Variants in SF3A1 observed in about 807,000 individuals in gnomAD.
SF3A1 encodes the protein SAP 114.
In SF3A1, 13 loss-of-function variants were observed where a neutral mutation model predicts 89.9. The ratio of observed to expected loss-of-function variants is 0.14; its 90% CI spans 0.09 to 0.23. The LOEUF is 0.23. SF3A1 is among the 10% of genes least tolerant of loss of function. The probability of loss-of-function intolerance (pLI) is 1.00; values close to 1 mark genes in which losing one functional copy is unlikely to be tolerated. For missense variants in SF3A1, 604 were observed against 1,022.1 expected (o/e 0.59, Z 5.58); for synonymous variants, 405 against 374.4 (o/e 1.08, Z -0.94).
chr22:30,348,018 T>TA (rs1931471438), intron 2 of SF3A1, among the ~76,000 whole-genome samples: 2 of 152,208 alleles, frequency 1.3e-5, no homozygotes, highest in Admixed American at 6.5e-5. Flanking sequence ...ATTTTTTTTT[T>TA]ACATTTTGTA....
Position 30,337,034 on chromosome 22 carries a change from T to G in SF3A1, c.2098A>C (p.Arg700=). The G allele has an allele frequency of 6.2e-7, 1 of 1,614,192 alleles. No homozygotes were observed. Among genetic ancestry groups the G allele is most frequent in the Non-Finnish European group, 8.5e-7 (1 of 1,180,024 alleles). The part of the protein sequence containing the change: ...SLMPEEEFLR[R]NKGPVSIKVQ... ...ATTCTGGGATTACATACCTTGTTTC[T>G]GCGCAGGAACTCCTCCTCTGGCATG... The change falls in exon 13 of 16, where the codon AGA becomes CGA. Residue 700 remains arginine, a synonymous_variant. Coordinates refer to ENST00000215793, the MANE Select transcript of SF3A1 (RefSeq NM_005877.6).
chr22:30,347,308 C>T (rs746097459), intron 2 of SF3A1, among the ~76,000 whole-genome samples: 5 of 152,012 alleles, frequency 3.3e-5, no homozygotes, highest in Admixed American at 6.6e-5. Flanking sequence ...AAGAAACAAA[C>T]AAACAAACAA....
At chr22:30,356,632 T>G (rs1931862592) in intron 1 of SF3A1, 98 bp downstream of exon 1, 10 of 985,278 alleles carry the variant, frequency 1.0e-5, no homozygotes, top group Middle Eastern at 2.4e-4. Flanking sequence ...TTGCAGTCCC[T>G]CCAAGCCCTT....
chr22:30,342,396 G>A (rs370409400), intron 5 of SF3A1, 46 bp from the exon 6 acceptor site: 6 of 1,553,254 alleles, frequency 3.9e-6, no homozygotes, highest in Non-Finnish European at 5.2e-6. Flanking sequence ...AGCAGGGTCT[G>A]CTCCTGATGA....
Position 30,333,449 on chromosome 22 carries a change from A to T in SF3A1, c.*1145T>A, listed in dbSNP as rs371401061. 2 of 152,244 alleles carry T rather than the reference A, an allele frequency of 1.3e-5. No individual in the cohort carries two copies. The highest frequency in any genetic ancestry group is 3.8e-4 in the East Asian group (2 of 5,206). The allele number at this position is 152,244 out of a possible 1,614,324, so 9.4% of individuals were successfully genotyped here. The stretch of plus-strand genomic sequence containing the variant: ...AATCAGCCTTAGCTTTAAAACCAGG[A>T]AATTGTTAGCAACAGGCTCTCACCT... On this transcript the variant is annotated 3_prime_UTR_variant, in exon 16 of 16. Coordinates refer to ENST00000215793, the MANE Select transcript of SF3A1 (RefSeq NM_005877.6).
Position 30,353,224 on chromosome 22 carries a change from T to C in SF3A1, c.64-152A>G, listed in dbSNP as rs908917873. On this transcript the variant is annotated intron_variant, in intron 1 of 15. Transcript: ENST00000215793. ...CCTCTACTTCAGAAAAGCAGTTCTC[T>C]TAAGTTCACTGCACCTGCAGGGGCT... 7 of 974,496 alleles carry C rather than the reference T, an allele frequency of 7.2e-6. No homozygotes were observed. The African/African-American group carries it at 8.2e-5, about 11-fold the overall frequency. 60.4% of individuals were successfully genotyped at this position (974,496 alleles called of 1,614,324 possible).
rs1170964642 is a variant in SF3A1, at chr22:30,337,055, G to A, written c.2077C>T (p.Pro693Ser). The change falls in exon 13 of 16, where the codon CCA becomes TCA. Residue 693 changes from proline to serine, a missense_variant. Transcript: ENST00000215793. ...KKLKTEDSLM[P>S]EEEFLRRNKG... ...TTTCTGCGCAGGAACTCCTCCTCTG[G>A]CATGAGGCTGTCCTCTGTCTTCAGT... The A allele has an allele frequency of 3.1e-6, 5 of 1,614,164 alleles. No homozygotes were observed. The highest frequency in any genetic ancestry group is 3.4e-6 in the Non-Finnish European group (4 of 1,180,032).
Position 30,332,331 on chromosome 22 carries a change from T to C in SF3A1, c.*2263A>G, listed in dbSNP as rs954595950. ...TCTACAATTCCTGGAGCCCTCTGCA[T>C]GCAAGTCTTCAAAATTATGGTGACT... On this transcript the variant is annotated 3_prime_UTR_variant, in exon 16 of 16. Transcript: ENST00000215793. The C allele has an allele frequency of 6.6e-6, 1 of 152,234 alleles. No homozygotes were observed. The highest frequency in any genetic ancestry group is 1.5e-5 in the Non-Finnish European group (1 of 68,038). The allele number at this position is 152,234 out of a possible 1,614,324, so 9.4% of individuals were successfully genotyped here.
chr22:30,356,875 C>G lies in SF3A1; in HGVS notation c.-83G>C. On this transcript the variant is annotated 5_prime_UTR_variant, in exon 1 of 16. Transcript: ENST00000215793. ...AGACAGCCTCCCCGCTCGGTCAGTA[C>G]GACGAGCTCGCAAGATGGCGGCGGC... The G allele has an allele frequency of 2.6e-6, 3 of 1,157,714 alleles. No homozygotes were observed. The highest frequency in any genetic ancestry group is 3.3e-6 in the Non-Finnish European group (3 of 910,448). 71.7% of individuals were successfully genotyped at this position (1,157,714 alleles called of 1,614,324 possible). A position where few individuals can be genotyped will look rare whatever the true frequency, so the allele number is the denominator to read the frequency against.
At position 30,340,247 on chromosome 22, in the gene SF3A1, G is replaced by A; in HGVS notation, c.1324C>T (p.Arg442Trp). 1 of 1,609,312 alleles carries A rather than the reference G, an allele frequency of 6.2e-7. No homozygotes were observed. The highest frequency in any genetic ancestry group is 8.5e-7 in the Non-Finnish European group (1 of 1,178,370). Reference sequence around the variant, plus strand: ...TGCTTCTCACGGATGGAGCGATCCCGCTGCTCCAGCCAGCGAGGGTCAAGA... The same window carrying A: ...TGCTTCTCACGGATGGAGCGATCCCACTGCTCCAGCCAGCGAGGGTCAAGA... ...GLLDPRWLEQ[R>W]DRSIREKQSD... The change falls in exon 9 of 16, where the codon CGG becomes TGG. Residue 442 changes from arginine to tryptophan, a missense_variant. Around this residue, in one of 9 missense-constraint regions of SF3A1, gnomAD observed 146 missense variants for 228.5 expected, o/e 0.64. Coordinates refer to ENST00000215793, the MANE Select transcript of SF3A1 (RefSeq NM_005877.6).
At chr22:30,340,864 T>C (rs371246751) in intron 7 of SF3A1, 52 bp from the exon 8 acceptor site, 6 of 1,030,186 alleles carry the variant, frequency 5.8e-6, no homozygotes, top group Non-Finnish European at 8.9e-6. Flanking sequence ...GCCACCTCCC[T>C]GTAGCTGAGC....
rs73406424 is a variant in SF3A1 at position 30,345,477 on chromosome 22, G to A, written c.394-287C>T. Among the ~76,000 whole-genome samples, 1,464 of 152,298 alleles carry A rather than the reference G, an allele frequency of 9.6e-3. 22 individuals are homozygous for A. Among genetic ancestry groups the A allele is most frequent in the African/African-American group, 0.033 (1,372 of 41,552 alleles). On this transcript the variant is annotated intron_variant, in intron 3 of 15. Transcript: ENST00000215793. ...AATTGAGGGCCAAAACTGGGTGACAGAAGATCCAACAAGAATAGGACTTAT... is the reference window on the plus strand; with the variant it reads ...AATTGAGGGCCAAAACTGGGTGACAAAAGATCCAACAAGAATAGGACTTAT...
In SF3A1 at chr22:30,342,876, A is replaced by C. The variant is rs771670722; in HGVS notation, c.655T>G (p.Leu219Val). 1 of 1,609,148 alleles carries C rather than the reference A, an allele frequency of 6.2e-7. No individual in the cohort carries two copies. Among genetic ancestry groups the C allele is most frequent in the Admixed American group, 1.7e-5 (1 of 59,976 alleles). ...TKLVEQYTKI[L>V]IPPKGLFSKL... Reference sequence around the variant, plus strand: ...GAAAATAAACCTTTGGGTGGAATCAAGATCTGAAATACAGAAGAGTTAAAG... The same window carrying C: ...GAAAATAAACCTTTGGGTGGAATCACGATCTGAAATACAGAAGAGTTAAAG... The change falls in exon 5 of 16, where the codon TTG becomes GTG. Residue 219 changes from leucine to valine, a missense_variant. Leu to Val is a conservative substitution (Grantham distance 32). Around this residue, in one of 9 missense-constraint regions of SF3A1, gnomAD observed 162 missense variants for 229.2 expected, o/e 0.71. Coordinates refer to ENST00000215793, the MANE Select transcript of SF3A1 (RefSeq NM_005877.6).
In SF3A1 at chr22:30,341,675, C is replaced by T. The variant is rs1373214238; in HGVS notation, c.1071+17G>A. ...TCAGGGGAAAAGGTCATCCTGCAGG[C>T]CTGCCCAGCAGCTTACCTCATCCAT... On this transcript the variant is annotated intron_variant, in intron 7 of 15. Coordinates refer to ENST00000215793, the MANE Select transcript of SF3A1 (RefSeq NM_005877.6). The T allele has an allele frequency of 2.5e-6, 4 of 1,608,358 alleles. No homozygotes were observed. Among genetic ancestry groups the T allele is most frequent in the Non-Finnish European group, 3.4e-6 (4 of 1,176,004 alleles).
intron 4 of SF3A1, among the ~76,000 whole-genome samples, chr22:30,343,739 T>C (rs1282933923): frequency 6.6e-6 from 1 of 152,248 alleles, no homozygotes; most frequent in Non-Finnish European, 1.5e-5. Context: ...CCAGGGTTCA[T>C]TTAAAATTGA....
chr22:30,336,685 C>T (rs540200055), intron 13 of SF3A1, among the ~76,000 whole-genome samples: 3 of 152,290 alleles, frequency 2.0e-5, no homozygotes, highest in South Asian at 2.1e-4. Flanking sequence ...AAACACCACA[C>T]ACAATTTCCT....
At position 30,333,554 on chromosome 22, in the gene SF3A1, C is replaced by G. The variant is rs1169441808; in HGVS notation, c.*1040G>C. On this transcript the variant is annotated 3_prime_UTR_variant, in exon 16 of 16. Transcript: ENST00000215793. ...TAACAGCCTGCCTTTACTCAGAAACCAGGACTGTGACGTGTTTTGCACACA... is the reference window on the plus strand; with the variant it reads ...TAACAGCCTGCCTTTACTCAGAAACGAGGACTGTGACGTGTTTTGCACACA... 6.6e-6 allele frequency: 1 copy of G among 152,206 alleles called. No individual in the cohort carries two copies. Among genetic ancestry groups the G allele is most frequent in the African/African-American group, 2.4e-5 (1 of 41,454 alleles). 9.4% of individuals were successfully genotyped at this position (152,206 alleles called of 1,614,324 possible).
At chr22:30,352,260 C>A (rs1931622429) in intron 2 of SF3A1, among the ~76,000 whole-genome samples, 2 of 152,098 alleles carry the variant, frequency 1.3e-5, no homozygotes, top group Non-Finnish European at 2.9e-5. Flanking sequence ...GAGGAGACGG[C>A]TAGCACCTGC....
chr22:30,356,637 G>A (rs1341110671), intron 1 of SF3A1, 93 bp downstream of exon 1: 1 of 1,006,368 alleles, frequency 9.9e-7, no homozygotes, highest in Non-Finnish European at 1.4e-6. Context: ...GTCCCTCCAA[G>A]CCCTTCATAG....
Sources: allele counts gnomAD v4.1 joint callset (sites outside exome capture counted in the v4.1 genomes callset), GRCh38; gene constraint gnomAD v4.1.1; regional missense constraint gnomAD v4.1.1; transcripts MANE v1.5; gene names NCBI Gene and HGNC (gene_info 2026-07-23, HGNC 2026-07-21).